UNC80: variants seen among roughly 807,000 people sequenced by gnomAD.
The protein encoded by UNC80 is protein unc-80 homolog.
A neutral mutation model predicts 384.6 loss-of-function variants in UNC80; 164 were observed. That is an observed-to-expected ratio of 0.43 (90% CI 0.38 to 0.49). The LOEUF is 0.49. Ranked by LOEUF, UNC80 falls within the 20% of genes least tolerant of loss-of-function variation. The probability of loss-of-function intolerance (pLI) is 0.00; values close to 1 mark genes in which losing one functional copy is unlikely to be tolerated. For missense variants in UNC80, 3,330 were observed against 4,143.0 expected, an observed-to-expected ratio of 0.80 and a Z score of 5.39; for synonymous variants, 1,486 against 1,527.8, an observed-to-expected ratio of 0.97 and a Z score of 0.64.
intron 4 of UNC80, among the ~76,000 whole-genome samples, chr2:209,785,504 G>A (rs915736115): frequency 6.6e-6 from 1 of 152,108 alleles, no homozygotes; most frequent in Non-Finnish European, 1.5e-5. Flanking sequence ...GAAGGAGGAT[G>A]CTTGATTTAT....
intron 25 of UNC80, 125 bp downstream of exon 25, chr2:209,881,219 C>T (rs958009920): frequency 9.2e-7 from 1 of 1,089,356 alleles, no homozygotes; most frequent in Non-Finnish European, 1.3e-6. Flanking sequence ...TTTAAAAATT[C>T]AACCAAGGGA....
chr2:209,872,239 G>A lies in UNC80; in HGVS notation c.3628-519G>A, dbSNP rs1322943817. On this transcript the variant is annotated intron_variant, in intron 22 of 64. Coordinates refer to ENST00000673920, the MANE Select transcript of UNC80 (RefSeq NM_001371986.1). The surrounding 1 kb of genome is among the most constrained non-coding windows in gnomAD (Gnocchi z 4.1). ...AACTTCTTTTTTTAATAGCCAAAATGTGCAGAACCAATTTTACCTCTTTGG... is the reference window on the plus strand; with the variant it reads ...AACTTCTTTTTTTAATAGCCAAAATATGCAGAACCAATTTTACCTCTTTGG... 2.0e-5 allele frequency among the ~76,000 whole-genome samples: 3 copies of A among 152,038 alleles called. No individual in the cohort carries two copies. The highest frequency in any genetic ancestry group is 7.2e-5 in the African/African-American group (3 of 41,382).
In UNC80 at chr2:209,941,273, G is replaced by A. The variant is rs1559367063; in HGVS notation, c.6699G>A (p.Gln2233=). 1 of 1,539,510 alleles carries A rather than the reference G, an allele frequency of 6.5e-7. No homozygotes were observed. The highest frequency in any genetic ancestry group is 2.0e-5 in the Admixed American group (1 of 50,750). The part of the protein sequence containing the change: ...LDTLQKSLWI[Q]LLEEMFLGMP... ...CTCTTCAGAAAAGCTTGTGGATCCA[G>A]CTGCTGGAGGAAATGTTCCTGGGCA... Residue 2233 remains glutamine, a synonymous_variant, in exon 44 of 65, where the codon CAG becomes CAA. Coordinates refer to ENST00000673920, the MANE Select transcript of UNC80 (RefSeq NM_001371986.1).
rs1465450593 is a variant in UNC80, at chr2:209,877,922, G to T, written c.3841-32G>T. 5 of 1,498,712 alleles carry T rather than the reference G, an allele frequency of 3.3e-6. No homozygotes were observed. The East Asian group carries it at 7.7e-5, about 23-fold the overall frequency. The allele number at this position is 1,498,712 out of a possible 1,614,324, so 92.8% of individuals were successfully genotyped here. ...CCTATTTTAGAGTTTGACTTAGTTT[G>T]TGCTGTTTCATTGTTTTCCTTCCCA... On this transcript the variant is annotated intron_variant, in intron 23 of 64. Transcript: ENST00000673920.
chr2:209,859,868 A>G (rs2083223889), intron 22 of UNC80, among the ~76,000 whole-genome samples: 1 of 151,972 alleles, frequency 6.6e-6, no homozygotes, highest in Non-Finnish European at 1.5e-5. Context: ...TCACTTTTTG[A>G]TAGGGTTGTT....
At chr2:209,813,980 C>T (rs1416242882) in intron 8 of UNC80, 139 bp downstream of exon 8, 2 of 1,115,618 alleles carry the variant, frequency 1.8e-6, no homozygotes, top group Admixed American at 5.8e-5. Context: ...ATTATCTTTT[C>T]CCTTCCATCT....
At chr2:209,832,326 G>C (rs1200783064) in intron 16 of UNC80, among the ~76,000 whole-genome samples, 1 of 152,008 alleles carries the variant, frequency 6.6e-6, no homozygotes, top group Non-Finnish European at 1.5e-5. Flanking sequence ...TAAAAGGCTA[G>C]TGCTTAATTA....
intron 21 of UNC80, among the ~76,000 whole-genome samples, chr2:209,847,895 T>C (rs2082273533): frequency 6.6e-6 from 1 of 151,980 alleles, no homozygotes; most frequent in Non-Finnish European, 1.5e-5. Flanking sequence ...TAGCAACAAA[T>C]AATAAAACAA....
At chr2:209,790,090 C>G (rs1466065233) in intron 6 of UNC80, among the ~76,000 whole-genome samples, 1 of 151,874 alleles carries the variant, frequency 6.6e-6, no homozygotes. Flanking sequence ...AATGAGGGGT[C>G]AAGACTAACC....
chr2:209,955,934 G>T (rs113285348), intron 48 of UNC80, among the ~76,000 whole-genome samples: 98 of 151,512 alleles, frequency 6.5e-4, no homozygotes, highest in African/African-American at 2.2e-3. Flanking sequence ...AGTAGAGACG[G>T]TGTTTCCCCA....
intron 45 of UNC80, among the ~76,000 whole-genome samples, chr2:209,944,512 A>G (rs954065880): frequency 1.3e-5 from 2 of 152,152 alleles, no homozygotes; most frequent in African/African-American, 4.8e-5. Context: ...TTGGTTTTCT[A>G]TAACCTCAGT....
In UNC80 at chr2:209,931,803, A is replaced by G. The variant is rs995506033; in HGVS notation, c.5994+749A>G. Among the ~76,000 whole-genome samples, 4 of 152,160 alleles carry G rather than the reference A, an allele frequency of 2.6e-5. No individual in the cohort carries two copies. In the East Asian group the frequency reaches 7.7e-4, roughly 29 times the overall value. ...TTGGTCATCTTTCTTCCGAGTGCCT[A>G]CTTGCTGGTTGGCAAAGGAAAAAAA... On this transcript the variant is annotated intron_variant, in intron 38 of 64. Coordinates refer to ENST00000673920, the MANE Select transcript of UNC80 (RefSeq NM_001371986.1).
intron 37 of UNC80, among the ~76,000 whole-genome samples, chr2:209,930,449 A>G (rs2090766077): frequency 6.6e-6 from 1 of 152,168 alleles, no homozygotes; most frequent in Non-Finnish European, 1.5e-5. Context: ...CTATAGTCAT[A>G]TTCACTGGAA....
intron 13 of UNC80, 36 bp downstream of exon 13, chr2:209,820,715 G>A (rs1454585898): frequency 1.4e-6 from 2 of 1,476,544 alleles, no homozygotes; most frequent in Non-Finnish European, 1.8e-6. Context: ...CTCATGAAAT[G>A]TCATACCTAA....
chr2:209,950,436 A>T (rs1257191720), intron 47 of UNC80, among the ~76,000 whole-genome samples: 1 of 151,406 alleles, frequency 6.6e-6, no homozygotes, highest in Non-Finnish European at 1.5e-5. Context: ...TATTCTTTTC[A>T]GGAGTTTATC....
At chr2:209,816,859 G>A in intron 9 of UNC80, 50 bp from the exon 10 acceptor site, 2 of 1,526,866 alleles carry the variant, frequency 1.3e-6, no homozygotes, top group Non-Finnish European at 1.8e-6. Flanking sequence ...GAAGCAGATT[G>A]TAACCTTTTC....
chr2:209,937,705 C>G, intron 42 of UNC80, 75 bp downstream of exon 42: 2 of 1,176,788 alleles, frequency 1.7e-6, no homozygotes, highest in Admixed American at 2.0e-5. Flanking sequence ...ACTTTGCCAA[C>G]TTTGAGATTT....
chr2:209,912,727 A>C, intron 30 of UNC80, 60 bp downstream of exon 30: 1 of 1,192,548 alleles, frequency 8.4e-7, no homozygotes, highest in South Asian at 1.4e-5. Context: ...GACTCCAGAC[A>C]GCCTATTTAC....
At chr2:209,890,907 G>A (rs1019533872) in intron 26 of UNC80, among the ~76,000 whole-genome samples, 1 of 152,118 alleles carries the variant, frequency 6.6e-6, no homozygotes, top group Non-Finnish European at 1.5e-5. Context: ...GCCCTCTAGA[G>A]CCTCCTTTAA....
Sources: gnomAD v4.1 joint callset for allele counts (sites outside exome capture counted in the v4.1 genomes callset) on GRCh38, gnomAD v4.1.1 for gene constraint, Gnocchi (gnomAD v3.1) non-coding constraint, MANE v1.5 for transcripts, NCBI Gene and HGNC (gene_info 2026-07-23, HGNC 2026-07-21) for gene names.